TMEM132D: variants seen among roughly 807,000 people sequenced by gnomAD.
TMEM132D encodes mature OL transmembrane protein.
Under a neutral mutation model 62.3 loss-of-function variants are expected in TMEM132D, and 21 were observed. That is an observed-to-expected ratio of 0.34 (90% CI 0.24 to 0.49). The LOEUF is 0.49. Ranked by LOEUF, TMEM132D falls within the 20% of genes least tolerant of loss-of-function variation. The probability of loss-of-function intolerance (pLI) is 0.99; values close to 1 mark genes in which losing one functional copy is unlikely to be tolerated. For synonymous variants in TMEM132D, 621 were observed against 575.6 expected (o/e 1.08, Z -1.13); for missense variants, 1,346 against 1,402.8 (o/e 0.96, Z 0.65).
At chr12:129,354,484 C>T (rs1434851544) in intron 3 of TMEM132D, among the ~76,000 whole-genome samples, 1 of 151,934 alleles carries the variant, frequency 6.6e-6, no homozygotes, top group African/African-American at 2.4e-5. Flanking sequence ...CCACCACGCC[C>T]GGTTAATTTT....
At chr12:129,236,607 A>C (rs1555240206) in intron 4 of TMEM132D, among the ~76,000 whole-genome samples, 1 of 150,764 alleles carries the variant, frequency 6.6e-6, no homozygotes, top group Non-Finnish European at 1.5e-5. Context: ...AAATTTGTTT[A>C]TTAGTTCTAG....
chr12:129,369,317 A>T (rs1870522544), intron 3 of TMEM132D, among the ~76,000 whole-genome samples: 1 of 151,994 alleles, frequency 6.6e-6, no homozygotes, highest in South Asian at 2.1e-4. Flanking sequence ...CTAATCGATG[A>T]TCCACCTCTT....
intron 4 of TMEM132D, among the ~76,000 whole-genome samples, chr12:129,250,922 T>C (rs1880246756): frequency 6.6e-6 from 1 of 152,196 alleles, no homozygotes; most frequent in Non-Finnish European, 1.5e-5. Context: ...TGTCAGCAGG[T>C]GCGTACGGTG....
rs34095467 is a variant in TMEM132D, at chr12:129,659,604, TA to T, written c.968+40205del. 4.5e-4 allele frequency among the ~76,000 whole-genome samples: 67 copies of T among 149,794 alleles called. 2 individuals carry two copies. The highest frequency in any genetic ancestry group is 1.7e-3 in the Admixed American group (25 of 15,050). On this transcript the variant is annotated intron_variant, in intron 2 of 8. Transcript: ENST00000422113. ...TAATAATGAATAAACGATAAATGGGTAAAAAAAAAACCCAGTAACTCTTCTC... is the reference window on the plus strand; with the variant it reads ...TAATAATGAATAAACGATAAATGGGTAAAAAAAAACCCAGTAACTCTTCTC...
chr12:129,406,215 G>C (rs1168475277), intron 3 of TMEM132D, among the ~76,000 whole-genome samples: 1 of 152,172 alleles, frequency 6.6e-6, no homozygotes, highest in African/African-American at 2.4e-5. Context: ...GAGACACAAA[G>C]AAAGTTTTGT....
In TMEM132D at chr12:129,316,688, C is replaced by T. The variant is rs140804169; in HGVS notation, c.1299+20946G>A. On this transcript the variant is annotated intron_variant, in intron 4 of 8. Transcript: ENST00000422113. ...TTTGTTCCAAGGTATAGTTTAAATCCATTGTTTCTTTGTTGACTTTCTGTC... is the reference window on the plus strand; with the variant it reads ...TTTGTTCCAAGGTATAGTTTAAATCTATTGTTTCTTTGTTGACTTTCTGTC... Among the ~76,000 whole-genome samples the T allele has an allele frequency of 3.8e-3, 580 of 152,100 alleles. 2 individuals are homozygous for T. Among genetic ancestry groups the T allele is most frequent in the African/African-American group, 0.013 (559 of 41,480 alleles).
chr12:129,139,475 G>T (rs147586291), intron 5 of TMEM132D, among the ~76,000 whole-genome samples: 9 of 152,220 alleles, frequency 5.9e-5, no homozygotes, highest in Non-Finnish European at 1.2e-4. Context: ...GGGTCACAGG[G>T]ACTCCCAGTG....
chr12:129,510,910 T>C (rs1404215760), intron 3 of TMEM132D, among the ~76,000 whole-genome samples: 1 of 152,192 alleles, frequency 6.6e-6, no homozygotes, highest in East Asian at 1.9e-4. Context: ...GGTCTGTGTG[T>C]CTGTTTTAAT....
At chr12:129,860,728 C>T (rs1260297846) in intron 1 of TMEM132D, among the ~76,000 whole-genome samples, 2 of 152,136 alleles carry the variant, frequency 1.3e-5, no homozygotes, top group Non-Finnish European at 2.9e-5. Flanking sequence ...CACAGTTCTG[C>T]AGGGCTGGGG....
intron 5 of TMEM132D, among the ~76,000 whole-genome samples, chr12:129,105,411 G>A (rs1344681977): frequency 4.8e-5 from 5 of 104,132 alleles, no homozygotes; most frequent in African/African-American, 2.0e-4. Context: ...GGGGAGGGGG[G>A]AGGGATAGCA....
intron 3 of TMEM132D, among the ~76,000 whole-genome samples, chr12:129,524,496 A>G (rs1875952191): frequency 6.6e-6 from 1 of 152,208 alleles, no homozygotes; most frequent in Non-Finnish European, 1.5e-5. Flanking sequence ...AAAATTTATT[A>G]CATGAACACA....
In TMEM132D at chr12:129,649,413, CCACACAGGGTAAAATA is replaced by C. The variant is rs1200856297; in HGVS notation, c.968+50381_968+50396del. Among the ~76,000 whole-genome samples, 3 of 152,124 alleles carry C rather than the reference CCACACAGGGTAAAATA, an allele frequency of 2.0e-5. No individual in the cohort carries two copies. In the South Asian group the frequency reaches 6.2e-4, roughly 32 times the overall value. On this transcript the variant is annotated intron_variant, in intron 2 of 8. Transcript: ENST00000422113. ...CAGATGTAACCTCAAGAAAGCACCC[CCACACAGGGTAAAATA>C]CGGCATGAAATGAGACAGAAATTTT...
chr12:129,463,320 C>T (rs891770209), intron 3 of TMEM132D, among the ~76,000 whole-genome samples: 5 of 151,860 alleles, frequency 3.3e-5, no homozygotes, highest in Non-Finnish European at 7.4e-5. Context: ...GAAATACTGA[C>T]AGATGTAGCA....
chr12:129,342,047 A>C (rs1160861027), intron 3 of TMEM132D, among the ~76,000 whole-genome samples: 4 of 152,172 alleles, frequency 2.6e-5, no homozygotes, highest in Non-Finnish European at 4.4e-5. Context: ...GCTACCAATG[A>C]CTTTCTTCAT....
intron 1 of TMEM132D, among the ~76,000 whole-genome samples, chr12:129,800,589 G>T (rs1232769147): frequency 6.6e-6 from 1 of 152,184 alleles, no homozygotes; most frequent in South Asian, 2.1e-4. Flanking sequence ...GGTACCCCTT[G>T]TAGAGGCTGG....
At chr12:129,812,266 G>C (rs996154395) in intron 1 of TMEM132D, among the ~76,000 whole-genome samples, 2 of 151,416 alleles carry the variant, frequency 1.3e-5, no homozygotes, top group African/African-American at 4.9e-5. Flanking sequence ...ACCTCTCTCT[G>C]TGTGTCTCTG....
At chr12:129,767,024 T>C (rs563319969) in intron 1 of TMEM132D, among the ~76,000 whole-genome samples, 1 of 152,318 alleles carries the variant, frequency 6.6e-6, no homozygotes, top group South Asian at 2.1e-4. Flanking sequence ...TGTTGCTCTC[T>C]GTACACTGCC....
chr12:129,238,231 G>A (rs1410442746), intron 4 of TMEM132D, among the ~76,000 whole-genome samples: 1 of 152,160 alleles, frequency 6.6e-6, no homozygotes, highest in East Asian at 1.9e-4. Flanking sequence ...CAATGCAATA[G>A]AAGGTTTTTA....
rs1463718561 is a variant in TMEM132D, at chr12:129,308,330, A to G, written c.1299+29304T>C. ...GTTTTCTTTACCCTACATTCTAGGC[A>G]TGATACGTAAACATCCATAAAGTAT... On this transcript the variant is annotated intron_variant, in intron 4 of 8. Coordinates refer to ENST00000422113, the MANE Select transcript of TMEM132D (RefSeq NM_133448.3). 2.0e-5 allele frequency among the ~76,000 whole-genome samples: 3 copies of G among 152,212 alleles called. No individual in the cohort carries two copies. The East Asian group carries it at 5.8e-4, about 29-fold the overall frequency.
Sources: gnomAD v4.1 joint callset for allele counts (sites outside exome capture counted in the v4.1 genomes callset) on GRCh38, gnomAD v4.1.1 for gene constraint, MANE v1.5 for transcripts, NCBI Gene and HGNC (gene_info 2026-07-23, HGNC 2026-07-21) for gene names.